CGGBP1: variants seen among roughly 807,000 people sequenced by gnomAD.
CGGBP1 encodes the protein CGG triplet repeat binding protein 1, also known as CGG triplet repeat-binding protein 1.
Under a neutral mutation model 11.4 loss-of-function variants are expected in CGGBP1, and 4 were observed. The ratio of observed to expected loss-of-function variants is 0.35; its 90% CI spans 0.17 to 0.80. The LOEUF (loss-of-function observed/expected upper bound fraction) is 0.80, where lower values mean the gene tolerates loss of function less well. Among genes scored for constraint, CGGBP1 ranks in the 30% least tolerant of loss-of-function variants. The pLI, the probability that CGGBP1 is intolerant of heterozygous loss-of-function variation, is 0.52. For synonymous variants in CGGBP1, 76 were observed against 74.1 expected, an observed-to-expected ratio of 1.03 and a Z score of -0.13; for missense variants, 135 against 202.1, an observed-to-expected ratio of 0.67 and a Z score of 2.01.
chr3:88,111,762 T>C (rs757604789), intron 2 of CGGBP1, among the ~76,000 whole-genome samples: 2 of 151,992 alleles, frequency 1.3e-5, no homozygotes, highest in Admixed American at 1.3e-4. Context: ...GTGATGAGTA[T>C]AGGAACATTT....
chr3:88,077,817 T>C (rs1462436442), intron 2 of CGGBP1, among the ~76,000 whole-genome samples: 1 of 152,214 alleles, frequency 6.6e-6, no homozygotes, highest in Admixed American at 6.5e-5. Context: ...ACTGTGTGTT[T>C]AATGGAAATC....
chr3:88,081,004 C>G (rs1179561537), intron 2 of CGGBP1, among the ~76,000 whole-genome samples: 3 of 152,120 alleles, frequency 2.0e-5, no homozygotes, highest in Non-Finnish European at 4.4e-5. Flanking sequence ...TTAGTTGTTT[C>G]TCCTTAGTCT....
chr3:88,083,750 C>G (rs1452081911), intron 2 of CGGBP1, among the ~76,000 whole-genome samples: 1 of 152,078 alleles, frequency 6.6e-6, no homozygotes, highest in Non-Finnish European at 1.5e-5. Context: ...GTTTTAGCAG[C>G]TTCAGCGTTA....
At chr3:88,114,004 A>G (rs746753342) in intron 2 of CGGBP1, among the ~76,000 whole-genome samples, 8 of 152,094 alleles carry the variant, frequency 5.3e-5, no homozygotes, top group Non-Finnish European at 1.2e-4. Context: ...AAACTTACTA[A>G]TTTTCCATTC....
In CGGBP1 at chr3:88,098,995, C is replaced by T. The variant is rs557405343; in HGVS notation, c.-228-40772G>A. On this transcript the variant is annotated intron_variant, in intron 2 of 3. Transcript: ENST00000462901. ...GGAAGTTCTGGCCGGGGCAATCAGG[C>T]GAGAGAAAGAAATAAAGGGTATTCA... Among the ~76,000 whole-genome samples, 15 of 151,976 alleles carry T rather than the reference C, an allele frequency of 9.9e-5. No individual in the cohort carries two copies. In the South Asian group the frequency reaches 2.1e-3, roughly 21 times the overall value.
rs1414381939 is a variant in CGGBP1 at position 88,058,951 on chromosome 3, G to A, written c.-467C>T. ...GCCGTCGCCGCCGTTGCCCGATCGAGCCCCGCGGCGGCCGCCGTGTCCCCC... is the reference window on the plus strand; with the variant it reads ...GCCGTCGCCGCCGTTGCCCGATCGAACCCCGCGGCGGCCGCCGTGTCCCCC... On this transcript the variant is annotated 5_prime_UTR_variant, in exon 1 of 4. Transcript: ENST00000482016. The A allele has an allele frequency of 2.9e-5, 6 of 207,260 alleles. No individual in the cohort carries two copies. Among genetic ancestry groups the A allele is most frequent in the East Asian group, 1.3e-4 (1 of 7,948 alleles). 12.8% of individuals were successfully genotyped at this position (207,260 alleles called of 1,614,324 possible).
At chr3:88,138,497 A>G (rs373384443) in intron 2 of CGGBP1, among the ~76,000 whole-genome samples, 2 of 152,172 alleles carry the variant, frequency 1.3e-5, no homozygotes, top group South Asian at 2.1e-4. Context: ...CTAAAATGCT[A>G]TCTATTCCAG....
At position 88,055,240 on chromosome 3, in the gene CGGBP1, AG is replaced by A. The variant is rs1706515110; in HGVS notation, c.*232del. 1.4e-5 allele frequency: 5 copies of A among 370,336 alleles called. No individual in the cohort carries two copies. Among genetic ancestry groups the A allele is most frequent in the Non-Finnish European group, 1.9e-5 (4 of 208,554 alleles). 22.9% of individuals were successfully genotyped at this position (370,336 alleles called of 1,614,324 possible). A position where few individuals can be genotyped will look rare whatever the true frequency, so the allele number is the denominator to read the frequency against. ...ATTTTAAAGATAACCATCAGGTTTCAGGTATCCTAGCACACTCTAAACCTAG... is the reference window on the plus strand; with the variant it reads ...ATTTTAAAGATAACCATCAGGTTTCAGTATCCTAGCACACTCTAAACCTAG... On this transcript the variant is annotated 3_prime_UTR_variant, in exon 4 of 4. Coordinates refer to ENST00000482016, the MANE Select transcript of CGGBP1 (RefSeq NM_001008390.2). This position sits in a 1 kb window ranked among gnomAD's most constrained non-coding sequence, Gnocchi z 4.2.
In CGGBP1 at chr3:88,135,038, TTC is replaced by T. The variant is rs990732653; in HGVS notation, c.-229+5930_-229+5931del. ...TTTGAATAAACTGTATTTTTGATAA[TTC>T]TCTTTTTTTCTCATTTACAGGGAGT... On this transcript the variant is annotated intron_variant, in intron 2 of 3. Coordinates refer to the CGGBP1 transcript ENST00000462901. 5.9e-6 allele frequency: 8 copies of T among 1,352,050 alleles called. 1 individual carries two copies. The highest frequency in any genetic ancestry group is 7.6e-6 in the Non-Finnish European group (8 of 1,048,088). The allele number at this position is 1,352,050 out of a possible 1,614,324, so 83.8% of individuals were successfully genotyped here.
At chr3:88,059,350 G>A, upstream of CGGBP1, 1 of 1,534,942 alleles carries the variant, frequency 6.5e-7, no homozygotes, top group East Asian at 2.4e-5. Context: ...CCAAGAGGCC[G>A]AACGCCTCGG....
At chr3:88,068,486 T>C (rs1188823822) in intron 2 of CGGBP1, among the ~76,000 whole-genome samples, 1 of 152,204 alleles carries the variant, frequency 6.6e-6, no homozygotes, top group Non-Finnish European at 1.5e-5. Context: ...GTACAGGTTG[T>C]TAATATGTAT....
chr3:88,138,672 A>C (rs1706951355), intron 2 of CGGBP1: 2 of 1,207,352 alleles, frequency 1.7e-6, no homozygotes, highest in African/African-American at 1.6e-5. Flanking sequence ...TTTGGAAAAA[A>C]AGTATTTAGC....
chr3:88,074,810 C>G (rs1045815243), intron 2 of CGGBP1, among the ~76,000 whole-genome samples: 1 of 152,124 alleles, frequency 6.6e-6, no homozygotes, highest in African/African-American at 2.4e-5. Context: ...ATCAGAAGGA[C>G]GATGGATGCA....
At chr3:88,097,522 A>G (rs553664561) in intron 2 of CGGBP1, among the ~76,000 whole-genome samples, 1 of 152,190 alleles carries the variant, frequency 6.6e-6, no homozygotes, top group African/African-American at 2.4e-5. Context: ...AAATCGACAG[A>G]ATATACATTC....
In CGGBP1 at chr3:88,110,079, A is replaced by G. The variant is rs568268760; in HGVS notation, c.-229+30891T>C. Among the ~76,000 whole-genome samples the G allele has an allele frequency of 1.2e-4, 18 of 152,278 alleles. 1 individual carries two copies. The South Asian group carries it at 3.7e-3, about 32-fold the overall frequency. ...AGAAAATCTGGATGGTGACATGTTA[A>G]TAAATAATGGTTGTACTATGTTATT... is the stretch of plus-strand genomic sequence containing the variant. On this transcript the variant is annotated intron_variant, in intron 2 of 3. Coordinates refer to the CGGBP1 transcript ENST00000462901.
intron 2 of CGGBP1, among the ~76,000 whole-genome samples, chr3:88,128,534 GA>G (rs1022432412): frequency 6.6e-6 from 1 of 151,772 alleles, no homozygotes; most frequent in Admixed American, 6.6e-5. Flanking sequence ...ACTGAAAGAA[GA>G]AAAAAAATTT....
At chr3:88,121,390 T>C (rs1424194121) in intron 2 of CGGBP1, among the ~76,000 whole-genome samples, 1 of 152,142 alleles carries the variant, frequency 6.6e-6, no homozygotes, top group African/African-American at 2.4e-5. Flanking sequence ...GCAACAGCAA[T>C]CATGTAATAA....
At chr3:88,149,432 C>A (rs1707367434) in intron 1 of CGGBP1, among the ~76,000 whole-genome samples, 1 of 152,248 alleles carries the variant, frequency 6.6e-6, no homozygotes, top group South Asian at 2.1e-4. Flanking sequence ...ACGGTCCCGG[C>A]GTGTTTGAGA....
intron 2 of CGGBP1, chr3:88,135,511 A>G (rs1297743333): frequency 1.6e-5 from 3 of 181,836 alleles, no homozygotes; most frequent in African/African-American, 4.7e-5. Flanking sequence ...TAATTTGCAA[A>G]TAAACTTGGT....
Sources: allele counts gnomAD v4.1 joint callset (sites outside exome capture counted in the v4.1 genomes callset), GRCh38; gene constraint gnomAD v4.1.1; non-coding constraint Gnocchi (gnomAD v3.1); transcripts MANE v1.5; gene names NCBI Gene and HGNC (gene_info 2026-07-23, HGNC 2026-07-21).